RARB: variants seen among roughly 807,000 people sequenced by gnomAD.
The protein encoded by RARB is HBV-activated protein.
RARB carries 17 observed loss-of-function variants against 51.9 expected under a neutral mutation model. That is an observed-to-expected ratio of 0.33 (90% CI 0.22 to 0.49). RARB has a LOEUF of 0.49. RARB is among the 20% of genes least tolerant of loss of function. The probability of loss-of-function intolerance (pLI) is 0.99; values close to 1 mark genes in which losing one functional copy is unlikely to be tolerated. For synonymous variants in RARB, 215 were observed against 195.4 expected, an observed-to-expected ratio of 1.10 and a Z score of -0.84; for missense variants, 369 against 550.8, an observed-to-expected ratio of 0.67 and a Z score of 3.30.
intron 3 of RARB, among the ~76,000 whole-genome samples, chr3:25,503,404 G>A (rs1395111974): frequency 2.0e-5 from 3 of 152,124 alleles, no homozygotes; most frequent in African/African-American, 7.2e-5. Context: ...TGTGGACTCA[G>A]GGAAAATCAG....
chr3:24,909,448 T>C (rs1575066563), intron 2 of RARB, among the ~76,000 whole-genome samples: 1 of 152,286 alleles, frequency 6.6e-6, no homozygotes, highest in African/African-American at 2.4e-5. Flanking sequence ...GTGAATGCAG[T>C]GAGCTATGAA....
intron 2 of RARB, among the ~76,000 whole-genome samples, chr3:24,906,662 G>A (rs1429212350): frequency 6.6e-6 from 1 of 151,842 alleles, no homozygotes; most frequent in East Asian, 1.9e-4. Context: ...GGCTAACATG[G>A]TGAAACCCTG....
intron 5 of RARB, among the ~76,000 whole-genome samples, chr3:25,259,343 T>C (rs532303306): frequency 3.3e-5 from 5 of 152,238 alleles, no homozygotes; most frequent in South Asian, 4.1e-4. Flanking sequence ...GCCAATGATA[T>C]GTAGGCAAAA....
chr3:25,085,736 C>G (rs1257498624), intron 3 of RARB, among the ~76,000 whole-genome samples: 1 of 152,100 alleles, frequency 6.6e-6, no homozygotes, highest in African/African-American at 2.4e-5. Flanking sequence ...GGACCCAGCC[C>G]CTCCATAATT....
chr3:25,368,850 C>T (rs17588847), intron 5 of RARB, among the ~76,000 whole-genome samples: 2,859 of 152,218 alleles, frequency 0.019, 33 homozygotes, highest in Non-Finnish European at 0.03. Context: ...GATTTAGACC[C>T]GTTTGGATAG....
At chr3:25,185,881 A>T in intron 5 of RARB, among the ~76,000 whole-genome samples, 1 of 152,162 alleles carries the variant, frequency 6.6e-6, no homozygotes, top group Non-Finnish European at 1.5e-5. Flanking sequence ...TAAACATGTA[A>T]TAGAATTATA....
intron 2 of RARB, among the ~76,000 whole-genome samples, chr3:25,024,204 T>C (rs1697696574): frequency 1.3e-5 from 2 of 152,250 alleles, no homozygotes; most frequent in Admixed American, 1.3e-4. Flanking sequence ...AGATTTTTCT[T>C]TGCAGCCCTG....
chr3:25,334,177 G>A (rs1281651265), intron 5 of RARB, among the ~76,000 whole-genome samples: 1 of 151,996 alleles, frequency 6.6e-6, no homozygotes, highest in African/African-American at 2.4e-5. Context: ...CCTATTACTG[G>A]GTATATACCC....
At chr3:24,995,927 G>T (rs998243075) in intron 2 of RARB, among the ~76,000 whole-genome samples, 50 of 152,046 alleles carry the variant, frequency 3.3e-4, no homozygotes, top group Admixed American at 3.3e-3. Flanking sequence ...TTTCTTTATT[G>T]TTGTGCCTTC....
At chr3:25,309,340 C>T (rs529206641) in intron 5 of RARB, among the ~76,000 whole-genome samples, 12 of 150,876 alleles carry the variant, frequency 8.0e-5, no homozygotes, top group South Asian at 2.1e-4. Context: ...GGGGTTTCAC[C>T]GTGTTAGCCA....
intron 2 of RARB, among the ~76,000 whole-genome samples, chr3:24,968,022 C>G (rs900581078): frequency 1.3e-5 from 2 of 152,146 alleles, no homozygotes; most frequent in Non-Finnish European, 2.9e-5. Flanking sequence ...TATAATAGCT[C>G]TTTGGAGCTT....
At chr3:25,137,433 A>C (rs1575177390) in intron 4 of RARB, among the ~76,000 whole-genome samples, 1 of 152,040 alleles carries the variant, frequency 6.6e-6, no homozygotes, top group African/African-American at 2.4e-5. Context: ...ACTGGGTCAT[A>C]TATGTTACAG....
chr3:25,271,981 G>C (rs192314046), intron 5 of RARB, among the ~76,000 whole-genome samples: 3 of 152,038 alleles, frequency 2.0e-5, no homozygotes, highest in African/African-American at 7.2e-5. Context: ...GTGATACAGC[G>C]GTCAGTAATC....
intron 2 of RARB, among the ~76,000 whole-genome samples, chr3:24,938,349 C>T (rs1695588644): frequency 6.6e-6 from 1 of 152,118 alleles, no homozygotes; most frequent in African/African-American, 2.4e-5. Context: ...CCGTATGTTT[C>T]CTTTCAGACT....
chr3:25,408,752 A>G (rs1707482521), intron 5 of RARB, among the ~76,000 whole-genome samples: 2 of 152,154 alleles, frequency 1.3e-5, no homozygotes, highest in South Asian at 4.1e-4. Flanking sequence ...TAATAACAAC[A>G]GGGCCAAGTG....
intron 5 of RARB, among the ~76,000 whole-genome samples, chr3:25,338,542 G>A (rs1449324380): frequency 1.3e-5 from 2 of 151,970 alleles, no homozygotes; most frequent in Non-Finnish European, 2.9e-5. Context: ...TAGTTACTTT[G>A]ACATCTAGCC....
intron 5 of RARB, among the ~76,000 whole-genome samples, chr3:25,241,988 T>C (rs1263720931): frequency 6.6e-6 from 1 of 152,250 alleles, no homozygotes; most frequent in Non-Finnish European, 1.5e-5. Context: ...TTCCTGACTT[T>C]TTAATGATCA....
At position 25,194,612 on chromosome 3, in the gene RARB, G is replaced by A. The variant is rs181126428; in HGVS notation, c.178+20037G>A. On this transcript the variant is annotated intron_variant, in intron 5 of 11. Transcript: ENST00000383772. ...TACCCGGAAGTAAAAGGCTGTCATA[G>A]GAGCTTAATTAGAGTCCCTTGAGAA... Among the ~76,000 whole-genome samples, 599 of 150,650 alleles carry A rather than the reference G, an allele frequency of 4.0e-3. 10 individuals are homozygous for A. Among genetic ancestry groups the A allele is most frequent in the East Asian group, 0.03 (151 of 5,110 alleles).
At chr3:25,169,525 G>A (rs532290485) in intron 4 of RARB, among the ~76,000 whole-genome samples, 11 of 152,284 alleles carry the variant, frequency 7.2e-5, no homozygotes, top group East Asian at 5.8e-4. Flanking sequence ...AGTATATCAC[G>A]TAACTCAACT....
Sources: gnomAD v4.1 joint callset for allele counts (sites outside exome capture counted in the v4.1 genomes callset) on GRCh38, gnomAD v4.1.1 for gene constraint, MANE v1.5 for transcripts, NCBI Gene and HGNC (gene_info 2026-07-23, HGNC 2026-07-21) for gene names.